Variants in CCDC68 observed in about 807,000 individuals in gnomAD.
CCDC68 encodes the protein coiled-coil domain containing 68.
In CCDC68, 45 loss-of-function variants were observed where a neutral mutation model predicts 47.1. The ratio of observed to expected loss-of-function variants is 0.96; its 90% confidence interval spans 0.75 to 1.23. CCDC68 has a LOEUF of 1.23. CCDC68 is among the 50% of genes most tolerant of loss of function. The probability of loss-of-function intolerance (pLI) is 0.00; values close to 1 mark genes in which losing one functional copy is unlikely to be tolerated. For synonymous variants in CCDC68, 131 were observed against 129.5 expected (o/e 1.01, Z -0.08); for missense variants, 353 against 373.6 (o/e 0.94, Z 0.45).
intron 1 of CCDC68, among the ~76,000 whole-genome samples, chr18:54,952,096 G>A (rs1452821352): frequency 1.3e-5 from 2 of 152,212 alleles, no homozygotes; most frequent in Non-Finnish European, 2.9e-5. Context: ...TGATTTGAAA[G>A]TGTCAATTCC....
At chr18:54,921,472 G>A (rs1219575181) in intron 8 of CCDC68, among the ~76,000 whole-genome samples, 2 of 152,196 alleles carry the variant, frequency 1.3e-5, no homozygotes, top group East Asian at 3.8e-4. Context: ...CAGGACTCTA[G>A]AAAGAGACAG....
At chr18:54,907,753 T>C (rs774463178) in intron 11 of CCDC68, 33 bp downstream of exon 11, 1 of 1,213,322 alleles carries the variant, frequency 8.2e-7, no homozygotes, top group Non-Finnish European at 1.2e-6. Context: ...ACATAGGTTG[T>C]GAAGACAGGG....
At chr18:54,945,255 G>C (rs2044506239) in intron 2 of CCDC68, 133 bp downstream of exon 2, 1 of 152,176 alleles carries the variant, frequency 6.6e-6, no homozygotes, top group East Asian at 1.9e-4. Context: ...TTTTGGTTTT[G>C]TTTGAAATTT....
chr18:54,942,763 A>G lies in CCDC68; in HGVS notation c.29T>C (p.Ile10Thr). 1 of 1,611,726 alleles carries G rather than the reference A, an allele frequency of 6.2e-7. No individual in the cohort carries two copies. Among genetic ancestry groups the G allele is most frequent in the Non-Finnish European group, 8.5e-7 (1 of 1,178,504 alleles). ...ATCTTCCATCTTATCCCTTGGGGGAATTTCTGTGGTCACTGTCACTGTTGT... is the reference window on the plus strand; with the variant it reads ...ATCTTCCATCTTATCCCTTGGGGGAGTTTCTGTGGTCACTGTCACTGTTGT... MTTVTVTTE[I>T]PPRDKMEDNS... is the part of the protein sequence containing the mutation. Residue 10 changes from isoleucine (I) to threonine (T), a missense_variant, in exon 3 of 12, where the codon ATT becomes ACT. Transcript: ENST00000591504.
In CCDC68 at chr18:54,917,108, T is replaced by C. The variant is rs547936957; in HGVS notation, c.873+805A>G. 2.6e-5 allele frequency among the ~76,000 whole-genome samples: 4 copies of C among 152,210 alleles called. No homozygotes were observed. In the East Asian group the frequency reaches 7.7e-4, roughly 29 times the overall value. On this transcript the variant is annotated intron_variant, in intron 10 of 11. Coordinates refer to ENST00000591504, the MANE Select transcript of CCDC68 (RefSeq NM_025214.3). Reference sequence around the variant, plus strand: ...TATTAGCAGTGTGAGAACAGACTAATAGAGGGGTCCTGAGGAAAGGGGAAG... The same window carrying C: ...TATTAGCAGTGTGAGAACAGACTAACAGAGGGGTCCTGAGGAAAGGGGAAG...
chr18:54,936,908 C>T lies in CCDC68; in HGVS notation c.396G>A (p.Gln132=), dbSNP rs1434779506. 1.2e-6 allele frequency: 2 copies of T among 1,614,052 alleles called. No homozygotes were observed. Among genetic ancestry groups the T allele is most frequent in the African/African-American group, 2.7e-5 (2 of 74,926 alleles). The stretch of plus-strand genomic sequence containing the variant: ...GCGTTTGGTAGTTTTCAAATAATCT[C>T]TGGGCCACGTTTCTCAGAGCTGCTG... ...AGAAALRNVA[Q]RLFENYQTQS... Residue 132 remains glutamine, a synonymous_variant, in exon 6 of 12, where the codon CAG becomes CAA. Coordinates refer to ENST00000591504, the MANE Select transcript of CCDC68 (RefSeq NM_025214.3).
intron 2 of CCDC68, among the ~76,000 whole-genome samples, chr18:54,943,909 A>G (rs2044477818): frequency 6.6e-6 from 1 of 152,154 alleles, no homozygotes; most frequent in African/African-American, 2.4e-5. Flanking sequence ...TAATCCCAGC[A>G]TTTTGGGAGG....
intron 1 of CCDC68, among the ~76,000 whole-genome samples, chr18:54,956,198 C>G (rs2044711179): frequency 6.6e-6 from 1 of 152,212 alleles, no homozygotes; most frequent in South Asian, 2.1e-4. Flanking sequence ...CCATGTTGGT[C>G]AGGCTGGTCT....
rs116313783 is a variant in CCDC68 at position 54,928,882 on chromosome 18, C to T, written c.601G>A (p.Glu201Lys). ...LENLVQRMEK[E>K]KRTLLERKLS... Reference sequence around the variant, plus strand: ...TTTCTTTCTAGTAGTGTTCTCTTTTCCTAGGAGAAAATAAGATACAAATTT... The same window carrying T: ...TTTCTTTCTAGTAGTGTTCTCTTTTTCTAGGAGAAAATAAGATACAAATTT... Residue 201 changes from glutamate (E) to lysine (K), a missense_variant and splice_region_variant, in exon 8 of 12, where the codon GAA becomes AAA. Physicochemically the swap from Glu to Lys is moderately conservative, Grantham distance 56. Transcript: ENST00000591504. 1,540 of 1,591,930 alleles carry T rather than the reference C, an allele frequency of 9.7e-4. 21 individuals carry two copies. In the African/African-American group the frequency reaches 0.015, roughly 15 times the overall value.
At chr18:54,912,927 A>G (rs1914452409) in intron 10 of CCDC68, among the ~76,000 whole-genome samples, 1 of 152,202 alleles carries the variant, frequency 6.6e-6, no homozygotes, top group Non-Finnish European at 1.5e-5. Context: ...TACAGGGGAA[A>G]CTATCCCCAG....
At chr18:54,914,707 T>C (rs2043915489) in intron 10 of CCDC68, among the ~76,000 whole-genome samples, 1 of 152,152 alleles carries the variant, frequency 6.6e-6, no homozygotes, top group African/African-American at 2.4e-5. Context: ...AGAGGTTCTG[T>C]CACATTACTG....
At chr18:54,926,121 A>T (rs2072282289) in intron 8 of CCDC68, among the ~76,000 whole-genome samples, 1 of 152,216 alleles carries the variant, frequency 6.6e-6, no homozygotes, top group Non-Finnish European at 1.5e-5. Context: ...TCCATTCCTA[A>T]GCAGCATCTA....
chr18:54,922,805 T>C (rs992949259), intron 8 of CCDC68, among the ~76,000 whole-genome samples: 4 of 151,760 alleles, frequency 2.6e-5, no homozygotes, highest in African/African-American at 9.7e-5. Context: ...CTGGCCAACA[T>C]GGTGAGACCC....
chr18:54,953,712 C>A (rs955785120), intron 1 of CCDC68, among the ~76,000 whole-genome samples: 5 of 152,072 alleles, frequency 3.3e-5, no homozygotes, highest in Non-Finnish European at 7.4e-5. Flanking sequence ...TTTTTAAAAA[C>A]TTAATCATAA....
Position 54,942,689 on chromosome 18 carries a change from C to G in CCDC68, c.103G>C (p.Glu35Gln). 1 of 1,586,122 alleles carries G rather than the reference C, an allele frequency of 6.3e-7. No homozygotes were observed. Among genetic ancestry groups the G allele is most frequent in the African/African-American group, 1.4e-5 (1 of 73,776 alleles). Residue 35 changes from glutamate (E) to glutamine (Q), a missense_variant, in exon 3 of 12, where the codon GAG becomes CAG. Transcript: ENST00000591504. ...STSAHIIEETEYVKKIRTTLQ... is the reference protein window; with the variant it reads ...STSAHIIEETQYVKKIRTTLQ... ...TACCCACATACCTTTTTCACATACT[C>G]GGTTTCTTCAATAATGTGAGCGGAC...
At chr18:54,935,001 T>C (rs2044320803) in intron 6 of CCDC68, 53 bp from the exon 7 acceptor site, 2 of 1,376,324 alleles carry the variant, frequency 1.5e-6, no homozygotes, top group Non-Finnish European at 9.5e-7. Flanking sequence ...CTTAAACCTA[T>C]ACACATATTA....
At chr18:54,948,722 A>G (rs1367419146) in intron 1 of CCDC68, among the ~76,000 whole-genome samples, 2 of 152,024 alleles carry the variant, frequency 1.3e-5, no homozygotes, top group African/African-American at 4.8e-5. Flanking sequence ...AGGGAGAGAC[A>G]GACATTAAAC....
At position 54,934,910 on chromosome 18, in the gene CCDC68, ATGT is replaced by A. The variant is rs776505111; in HGVS notation, c.507_509del (p.Gln169del). On this transcript the variant is annotated inframe_deletion, in exon 7 of 12. Transcript: ENST00000591504. ...CAGCAACTTGATTCAGATTTTCAAC[ATGT>A]TGTTTCAATTTCTGTTCTTTTTCAA... 9.4e-6 allele frequency: 15 copies of A among 1,597,304 alleles called. No homozygotes were observed. The highest frequency in any genetic ancestry group is 3.4e-5 in the South Asian group (3 of 87,752).
In CCDC68 at chr18:54,917,929, T is replaced by A; in HGVS notation, c.857A>T (p.Asn286Ile). 6.3e-7 allele frequency: 1 copy of A among 1,577,664 alleles called. No homozygotes were observed. The highest frequency in any genetic ancestry group is 1.1e-5 in the South Asian group (1 of 89,032). ...KRIENLREKV[N>I]ILEAQNKELK... is the part of the protein sequence containing the mutation. ...CCTCCTTACCTGGGCTTCAAGTATG[T>A]TAACCTTTTCTCTGAGATTTTCAAT... The change falls in exon 10 of 12, where the codon AAC becomes ATC. Residue 286 changes from asparagine to isoleucine, a missense_variant. Physicochemically the swap from Asn to Ile is moderately radical, Grantham distance 149. Transcript: ENST00000591504.
Sources: gnomAD v4.1 joint callset for allele counts (sites outside exome capture counted in the v4.1 genomes callset) on GRCh38, gnomAD v4.1.1 for gene constraint, MANE v1.5 for transcripts, NCBI Gene and HGNC (gene_info 2026-07-23, HGNC 2026-07-21) for gene names.